The following IQCM variants were observed in gnomAD, a reference collection of about 807,000 sequenced individuals.
The protein encoded by IQCM is IQ domain-containing protein M.
Under a neutral mutation model 57.6 loss-of-function variants are expected in IQCM, and 45 were observed. That is an observed-to-expected ratio of 0.78 (90% CI 0.62 to 1.00). The LOEUF (loss-of-function observed/expected upper bound fraction) is 1.00. Among genes scored for constraint, IQCM ranks in the 50% least tolerant of loss-of-function variants. IQCM has a pLI of 0.00. For missense variants in IQCM, 468 were observed against 511.6 expected, an observed-to-expected ratio of 0.91 and a Z score of 0.82; for synonymous variants, 148 against 158.9, an observed-to-expected ratio of 0.93 and a Z score of 0.51.
chr4:149,457,588 C>T (rs558156355), intron 12 of IQCM, among the ~76,000 whole-genome samples: 226 of 150,858 alleles, frequency 1.5e-3, no homozygotes, highest in African/African-American at 5.3e-3. Context: ...TTGCTACTAG[C>T]CTAAGAAAAG....
At chr4:149,594,554 T>A (rs1227614167) in intron 8 of IQCM, among the ~76,000 whole-genome samples, 1 of 152,206 alleles carries the variant, frequency 6.6e-6, no homozygotes, top group Non-Finnish European at 1.5e-5. Flanking sequence ...TGTTGGGGTG[T>A]CAATTTTAGA....
intron 7 of IQCM, among the ~76,000 whole-genome samples, chr4:149,626,002 GTGA>G (rs1326295924): frequency 2.0e-5 from 3 of 151,986 alleles, no homozygotes; most frequent in African/African-American, 7.3e-5. Context: ...TTTTTGTGCT[GTGA>G]TGGTTAATAA....
chr4:149,717,272 G>A (rs949563981), intron 5 of IQCM, among the ~76,000 whole-genome samples: 1 of 152,058 alleles, frequency 6.6e-6, no homozygotes, highest in Non-Finnish European at 1.5e-5. Context: ...TCAACCTATG[G>A]GATCTGATGC....
intron 12 of IQCM, among the ~76,000 whole-genome samples, chr4:149,439,342 A>G (rs1273889678): frequency 6.6e-6 from 1 of 152,000 alleles, no homozygotes; most frequent in African/African-American, 2.4e-5. Context: ...TGCTTAATAA[A>G]CAAATTAAAT....
chr4:149,609,871 A>G (rs530526797), intron 8 of IQCM, among the ~76,000 whole-genome samples: 9 of 151,560 alleles, frequency 5.9e-5, no homozygotes, highest in African/African-American at 1.2e-4. Flanking sequence ...ACATAGCACT[A>G]TAAGTCTTAG....
At chr4:149,550,150 C>T (rs1012967282) in intron 11 of IQCM, among the ~76,000 whole-genome samples, 3 of 152,176 alleles carry the variant, frequency 2.0e-5, no homozygotes, top group African/African-American at 7.2e-5. Context: ...AGCAGTGGGC[C>T]TCAACCACTG....
chr4:149,775,315 C>CA lies in IQCM; in HGVS notation c.-48-32577dup, dbSNP rs373105612. ...CAGAATACTATTTCTCAGCCCAAGA[C>CA]AAAAAAAAAAGTAGTGCCTGAAGTT... On this transcript the variant is annotated intron_variant, in intron 2 of 13. Transcript: ENST00000636793. Among the ~76,000 whole-genome samples the CA allele has an allele frequency of 2.9e-3, 423 of 144,166 alleles. 1 individual carries two copies. The highest frequency in any genetic ancestry group is 4.7e-3 in the Non-Finnish European group (304 of 65,364). The allele number at this position is 144,166 out of a possible 152,430, so 94.6% of individuals were successfully genotyped here.
chr4:149,546,348 C>A (rs548411028), intron 12 of IQCM, among the ~76,000 whole-genome samples: 1 of 152,218 alleles, frequency 6.6e-6, no homozygotes, highest in Admixed American at 6.5e-5. Context: ...AATGGGATGG[C>A]TGGGTCAAAT....
intron 13 of IQCM, among the ~76,000 whole-genome samples, chr4:149,408,339 A>C (rs965391773): frequency 5.3e-5 from 8 of 152,212 alleles, no homozygotes; most frequent in African/African-American, 1.4e-4. Context: ...ATAATTGACG[A>C]AGCATAAATA....
At chr4:149,551,359 A>G (rs776663049) in intron 11 of IQCM, among the ~76,000 whole-genome samples, 1 of 152,206 alleles carries the variant, frequency 6.6e-6, no homozygotes. Context: ...CAGAAATCAC[A>G]TTAATTATTT....
intron 5 of IQCM, among the ~76,000 whole-genome samples, chr4:149,715,109 A>C (rs527516255): frequency 6.6e-6 from 1 of 152,278 alleles, no homozygotes; most frequent in African/African-American, 2.4e-5. Flanking sequence ...GCATCACTTC[A>C]CCAGCCAGAA....
At chr4:149,466,802 T>C (rs1738904135) in intron 12 of IQCM, among the ~76,000 whole-genome samples, 1 of 152,220 alleles carries the variant, frequency 6.6e-6, no homozygotes, top group African/African-American at 2.4e-5. Context: ...TTTATTGTTC[T>C]GGAAGCTGGG....
intron 13 of IQCM, among the ~76,000 whole-genome samples, chr4:149,375,106 A>G (rs1730622898): frequency 6.6e-6 from 1 of 152,106 alleles, no homozygotes; most frequent in African/African-American, 2.4e-5. Flanking sequence ...ATCAAAGAAT[A>G]CATATTGGTA....
At chr4:149,614,957 T>C (rs906741932) in intron 8 of IQCM, among the ~76,000 whole-genome samples, 13 of 152,318 alleles carry the variant, frequency 8.5e-5, no homozygotes, top group Middle Eastern at 6.8e-3. Context: ...CCTGTCATAC[T>C]GACAGCTAAT....
chr4:149,642,791 G>C (rs1016889603), intron 7 of IQCM, among the ~76,000 whole-genome samples: 4 of 151,912 alleles, frequency 2.6e-5, no homozygotes, highest in Non-Finnish European at 5.9e-5. Context: ...TTATATTTAG[G>C]GACACAAACA....
intron 10 of IQCM, among the ~76,000 whole-genome samples, chr4:149,554,085 G>C (rs1436054359): frequency 1.3e-5 from 2 of 151,740 alleles, no homozygotes; most frequent in South Asian, 2.1e-4. Context: ...CTTCTTAAAG[G>C]CTTAATTTTT....
At chr4:149,496,338 A>C (rs1365982998) in intron 12 of IQCM, among the ~76,000 whole-genome samples, 1 of 152,142 alleles carries the variant, frequency 6.6e-6, no homozygotes, top group Non-Finnish European at 1.5e-5. Flanking sequence ...CAATCCTGAA[A>C]TCTGTGAACA....
intron 12 of IQCM, among the ~76,000 whole-genome samples, chr4:149,500,966 A>G (rs932387554): frequency 3.9e-4 from 60 of 152,210 alleles, no homozygotes; most frequent in African/African-American, 1.3e-3. Context: ...TCCTTTGGCA[A>G]TATTGCTCTT....
chr4:149,650,644 C>A (rs949055093), intron 7 of IQCM, among the ~76,000 whole-genome samples: 3 of 152,094 alleles, frequency 2.0e-5, no homozygotes, highest in Admixed American at 2.0e-4. Context: ...CCCACCTCGA[C>A]CTCCCAAAGT....
Sources: allele counts gnomAD v4.1 joint callset (sites outside exome capture counted in the v4.1 genomes callset), GRCh38; gene constraint gnomAD v4.1.1; transcripts MANE v1.5; gene names NCBI Gene and HGNC (gene_info 2026-07-23, HGNC 2026-07-21).